GRM8: variants seen among roughly 807,000 people sequenced by gnomAD.
The protein encoded by GRM8 is glutamate metabotropic receptor 8.
Under a neutral mutation model 87.2 loss-of-function variants are expected in GRM8, and 47 were observed. The observed-to-expected ratio is 0.54, with a 90% CI of 0.43 to 0.69. The LOEUF is 0.69. Among genes scored for constraint, GRM8 ranks in the 30% least tolerant of loss-of-function variants. The pLI is 0.00. For synonymous variants in GRM8, 396 were observed against 404.5 expected, an observed-to-expected ratio of 0.98 and a Z score of 0.25; for missense variants, 1,019 against 1,139.2, an observed-to-expected ratio of 0.89 and a Z score of 1.52.
intron 7 of GRM8, among the ~76,000 whole-genome samples, chr7:126,630,403 A>G (rs1801143498): frequency 6.6e-6 from 1 of 152,148 alleles, no homozygotes; most frequent in African/African-American, 2.4e-5. Context: ...ACCAACCACA[A>G]AAAGTCCAGG....
intron 2 of GRM8, among the ~76,000 whole-genome samples, chr7:127,211,803 G>A (rs1185354761): frequency 2.0e-5 from 3 of 152,112 alleles, no homozygotes; most frequent in Non-Finnish European, 4.4e-5. Context: ...CCTTGATCCT[G>A]GACTTACCAA....
intron 6 of GRM8, among the ~76,000 whole-genome samples, chr7:126,822,581 T>C (rs1254541574): frequency 6.6e-6 from 1 of 151,772 alleles, no homozygotes; most frequent in East Asian, 1.9e-4. Flanking sequence ...ACTTTAGAGA[T>C]GGGATCTCAC....
chr7:126,482,585 T>C (rs114652183), intron 9 of GRM8, among the ~76,000 whole-genome samples: 1,965 of 152,002 alleles, frequency 0.013, 39 homozygotes, highest in African/African-American at 0.045. Flanking sequence ...ATAAGGTACC[T>C]AGAGTACTCA....
chr7:127,224,443 T>C (rs1267833139), intron 2 of GRM8, among the ~76,000 whole-genome samples: 1 of 152,188 alleles, frequency 6.6e-6, no homozygotes, highest in Non-Finnish European at 1.5e-5. Context: ...CAAAATTCTA[T>C]ATCCAGAGAA....
At chr7:126,559,512 C>T (rs1041455570) in intron 8 of GRM8, among the ~76,000 whole-genome samples, 5 of 152,132 alleles carry the variant, frequency 3.3e-5, no homozygotes, top group Admixed American at 6.5e-5. Context: ...AAGCTGTTAG[C>T]GCTCTCCAAC....
intron 3 of GRM8, among the ~76,000 whole-genome samples, chr7:126,994,327 C>A (rs1812965141): frequency 1.3e-5 from 2 of 152,176 alleles, no homozygotes; most frequent in Non-Finnish European, 2.9e-5. Flanking sequence ...CCCTGAATCA[C>A]CAACAGCAAT....
intron 7 of GRM8, among the ~76,000 whole-genome samples, chr7:126,622,313 T>C (rs924677058): frequency 1.3e-5 from 2 of 152,094 alleles, no homozygotes; most frequent in Non-Finnish European, 2.9e-5. Flanking sequence ...TGCTCTGCAA[T>C]CCTATCACAC....
intron 6 of GRM8, among the ~76,000 whole-genome samples, chr7:126,871,811 A>C (rs937875364): frequency 6.6e-6 from 1 of 152,220 alleles, no homozygotes; most frequent in Non-Finnish European, 1.5e-5. Context: ...ATATGAAATT[A>C]AATCCATCTC....
At chr7:126,888,627 T>C (rs1010240249) in intron 6 of GRM8, among the ~76,000 whole-genome samples, 9 of 152,110 alleles carry the variant, frequency 5.9e-5, no homozygotes, top group African/African-American at 2.2e-4. Context: ...GTTTGCTGAA[T>C]TGGCATATCT....
chr7:126,907,577 T>C (rs1802850456), intron 3 of GRM8, among the ~76,000 whole-genome samples: 1 of 151,738 alleles, frequency 6.6e-6, no homozygotes, highest in Non-Finnish European at 1.5e-5. Context: ...GCAACAAAAA[T>C]GAGATGGAGA....
chr7:126,696,193 C>A (rs555861222), intron 7 of GRM8, among the ~76,000 whole-genome samples: 23 of 152,106 alleles, frequency 1.5e-4, no homozygotes, highest in East Asian at 1.4e-3. Context: ...GAATTGGATG[C>A]AAAATTTAAG....
At chr7:126,641,474 A>G (rs898540104) in intron 7 of GRM8, among the ~76,000 whole-genome samples, 2 of 152,220 alleles carry the variant, frequency 1.3e-5, no homozygotes, top group African/African-American at 2.4e-5. Flanking sequence ...AGTATGTGAC[A>G]TGGAGTAAGC....
chr7:126,569,229 CTAGTT>C (rs1794494720), intron 8 of GRM8, among the ~76,000 whole-genome samples: 1 of 152,094 alleles, frequency 6.6e-6, no homozygotes, highest in African/African-American at 2.4e-5. Flanking sequence ...GTTTCTTACT[CTAGTT>C]TTGTTTTGTA....
At chr7:126,843,476 A>T (rs1254692779) in intron 6 of GRM8, among the ~76,000 whole-genome samples, 1 of 152,232 alleles carries the variant, frequency 6.6e-6, no homozygotes, top group Non-Finnish European at 1.5e-5. Context: ...CCATTGACGA[A>T]GCTTCTTAGT....
chr7:126,993,222 T>A (rs561406261), intron 3 of GRM8, among the ~76,000 whole-genome samples: 47 of 152,170 alleles, frequency 3.1e-4, no homozygotes, highest in Admixed American at 2.0e-4. Context: ...CAGGGACTCA[T>A]ACAGATATTT....
intron 7 of GRM8, 86 bp downstream of exon 7, chr7:126,769,779 C>T: frequency 1.2e-6 from 1 of 825,502 alleles, no homozygotes; most frequent in Admixed American, 1.9e-5. Context: ...GTGTTTTCCA[C>T]TCTGCCTGGG....
intron 6 of GRM8, among the ~76,000 whole-genome samples, chr7:126,784,877 C>G (rs1178578179): frequency 2.6e-5 from 4 of 152,084 alleles, no homozygotes; most frequent in Admixed American, 6.6e-5. Flanking sequence ...CAGGTCTAAA[C>G]AATAAAGAAC....
At chr7:126,627,720 A>G (rs1215618697) in intron 7 of GRM8, among the ~76,000 whole-genome samples, 1 of 152,158 alleles carries the variant, frequency 6.6e-6, no homozygotes, top group Non-Finnish European at 1.5e-5. Context: ...AGTCCCTCAT[A>G]TTCTAAATGA....
chr7:126,761,028 C>A (rs1431209840), intron 7 of GRM8, among the ~76,000 whole-genome samples: 1 of 152,078 alleles, frequency 6.6e-6, no homozygotes, highest in Non-Finnish European at 1.5e-5. Context: ...GAAACCCCGT[C>A]TCTACTAAAA....
Sources: allele counts gnomAD v4.1 joint callset (sites outside exome capture counted in the v4.1 genomes callset), GRCh38; gene constraint gnomAD v4.1.1; transcripts MANE v1.5; gene names NCBI Gene and HGNC (gene_info 2026-07-23, HGNC 2026-07-21).